Variants in DGKG observed in about 807,000 individuals in gnomAD.
DGKG encodes the protein DAG kinase gamma.
In DGKG, 78 loss-of-function variants were observed where a neutral mutation model predicts 105.3. The observed-to-expected ratio is 0.74, with a 90% CI of 0.62 to 0.89. The LOEUF (loss-of-function observed/expected upper bound fraction) is 0.89, where lower values mean the gene tolerates loss of function less well. Among genes scored for constraint, DGKG ranks in the 40% least tolerant of loss-of-function variants. The probability of loss-of-function intolerance (pLI) is 0.00; values close to 1 mark genes in which losing one functional copy is unlikely to be tolerated. For missense variants in DGKG, 958 were observed against 1,020.1 expected, an observed-to-expected ratio of 0.94 and a Z score of 0.83; for synonymous variants, 346 against 367.1, an observed-to-expected ratio of 0.94 and a Z score of 0.66.
chr3:186,274,189 G>A (rs1174403696), intron 10 of DGKG, among the ~76,000 whole-genome samples: 1 of 151,840 alleles, frequency 6.6e-6, no homozygotes, highest in Admixed American at 6.6e-5. Context: ...TTTTTTGTTT[G>A]TTTGTTTTTT....
At chr3:186,213,998 T>C (rs1365591275) in intron 20 of DGKG, among the ~76,000 whole-genome samples, 1 of 152,226 alleles carries the variant, frequency 6.6e-6, no homozygotes, top group Non-Finnish European at 1.5e-5. Flanking sequence ...AAGAGCATCT[T>C]TGTAGCCAGG....
At chr3:186,158,065 A>G in intron 24 of DGKG, 1 of 390,056 alleles carries the variant, frequency 2.6e-6, no homozygotes, top group Non-Finnish European at 3.5e-6. Flanking sequence ...TTACATTTAT[A>G]TTTTTTACCT....
intron 21 of DGKG, among the ~76,000 whole-genome samples, chr3:186,196,885 C>T (rs759003689): frequency 1.1e-4 from 16 of 152,204 alleles, no homozygotes; most frequent in African/African-American, 3.4e-4. Context: ...TCAGAGTCAC[C>T]GTGTGGTTTG....
Position 186,164,520 on chromosome 3 carries a change from C to CT in DGKG, c.2216+377dup, listed in dbSNP as rs540657135. On this transcript the variant is annotated intron_variant, in intron 23 of 24. Transcript: ENST00000265022. ...AAGGAGTAGAGCAGAGAAGAGACAT[C>CT]TTTTTTTTATCAGAGTGTGCCCTCT... is the stretch of plus-strand genomic sequence containing the variant. 1.3e-3 allele frequency among the ~76,000 whole-genome samples: 197 copies of CT among 152,240 alleles called. 1 individual carries two copies. The highest frequency in any genetic ancestry group is 3.8e-3 in the African/African-American group (159 of 41,546).
In DGKG at chr3:186,361,571, T is replaced by C. The variant is rs1337327007; in HGVS notation, c.-249+375A>G. 6.6e-6 allele frequency among the ~76,000 whole-genome samples: 1 copy of C among 152,144 alleles called. No individual in the cohort carries two copies. The highest frequency in any genetic ancestry group is 1.5e-5 in the Non-Finnish European group (1 of 68,026). On this transcript the variant is annotated intron_variant, in intron 1 of 24. Transcript: ENST00000265022. The surrounding 1 kb of genome is among the most constrained non-coding windows in gnomAD (Gnocchi z 6.8). The stretch of plus-strand genomic sequence containing the variant: ...AGCATCTCCTGCTTCTCGGACTGCC[T>C]GGAGCGCGAACTGGATATCAAGGAG...
At position 186,147,522 on chromosome 3, in the gene DGKG, C is replaced by G; in HGVS notation, c.*2568G>C. ...CGATTAAACAACAACACAAGATTTACTAAGGTTACCAAACTGGAAGTGCAA... is the reference window on the plus strand; with the variant it reads ...CGATTAAACAACAACACAAGATTTAGTAAGGTTACCAAACTGGAAGTGCAA... On this transcript the variant is annotated 3_prime_UTR_variant, in exon 25 of 25. Coordinates refer to ENST00000265022, the MANE Select transcript of DGKG (RefSeq NM_001346.3). The G allele has an allele frequency of 1.0e-6, 1 of 985,400 alleles. No homozygotes were observed. Among genetic ancestry groups the G allele is most frequent in the Non-Finnish European group, 1.2e-6 (1 of 829,900 alleles). 61.0% of individuals were successfully genotyped at this position (985,400 alleles called of 1,614,324 possible). A position where few individuals can be genotyped will look rare whatever the true frequency, so the allele number is the denominator to read the frequency against.
At chr3:186,326,617 T>C (rs949342635) in intron 1 of DGKG, among the ~76,000 whole-genome samples, 4 of 152,196 alleles carry the variant, frequency 2.6e-5, no homozygotes, top group Non-Finnish European at 5.9e-5. Context: ...ACTTATTTGC[T>C]TAATACACAG....
rs4686752 is a variant in DGKG, at chr3:186,231,255, T to C, written c.1826+11249A>G. 0.41 allele frequency among the ~76,000 whole-genome samples: 62,022 copies of C among 151,944 alleles called. 14,719 individuals are homozygous for C. Among genetic ancestry groups the C allele is most frequent in the East Asian group, 0.92 (4,770 of 5,166 alleles). ...TCATATCTATGGCTCTTTTCTAGTC[T>C]TTTTTTGGGTGCATCTTTGGTCATG... On this transcript the variant is annotated intron_variant, in intron 20 of 24. Transcript: ENST00000265022. The surrounding 1 kb of genome is among the most constrained non-coding windows in gnomAD (Gnocchi z 4.5).
chr3:186,284,372 A>G lies in DGKG; in HGVS notation c.594+288T>C, dbSNP rs1036369765. Among the ~76,000 whole-genome samples, 2 of 152,068 alleles carry G rather than the reference A, an allele frequency of 1.3e-5. No individual in the cohort carries two copies. The highest frequency in any genetic ancestry group is 2.9e-5 in the Non-Finnish European group (2 of 68,018). The stretch of plus-strand genomic sequence containing the variant: ...CAGGAAATTGCAGGAGGCGCTTGTG[A>G]ACTGAATGGGAAGTTAAACTAGGTG... On this transcript the variant is annotated intron_variant, in intron 7 of 24. Coordinates refer to ENST00000265022, the MANE Select transcript of DGKG (RefSeq NM_001346.3). The surrounding 1 kb of genome is among the most constrained non-coding windows in gnomAD (Gnocchi z 4.0).
At chr3:186,166,248 CATCACTAATGG>C (rs1716538609) in intron 22 of DGKG, among the ~76,000 whole-genome samples, 1 of 10,658 alleles carries the variant, frequency 9.4e-5, no homozygotes, top group Non-Finnish European at 2.0e-4. Context: ...CACTAATGGA[CATCACTAATGG>C]ACATCAGCTG....
At chr3:186,175,943 A>G (rs1434501263) in intron 22 of DGKG, among the ~76,000 whole-genome samples, 3 of 152,228 alleles carry the variant, frequency 2.0e-5, no homozygotes, top group African/African-American at 7.2e-5. Context: ...GAGGCTAAGA[A>G]ACTTGCCTAA....
intron 24 of DGKG, chr3:186,161,250 C>A: frequency 9.6e-7 from 1 of 1,045,298 alleles, no homozygotes; most frequent in Non-Finnish European, 1.2e-6. Context: ...GAACAGTCTT[C>A]CTTTTGAGGT....
chr3:186,214,472 A>C (rs1409785020), intron 20 of DGKG, among the ~76,000 whole-genome samples: 1 of 152,198 alleles, frequency 6.6e-6, no homozygotes, highest in Non-Finnish European at 1.5e-5. Flanking sequence ...AGTGAGGCAA[A>C]AATGACAGAT....
intron 20 of DGKG, among the ~76,000 whole-genome samples, chr3:186,232,963 C>T (rs966143122): frequency 2.6e-5 from 4 of 152,048 alleles, no homozygotes; most frequent in Admixed American, 6.5e-5. Context: ...CTGATGTGCC[C>T]GACTCTGTAA....
At chr3:186,188,883 C>T (rs1040110798) in intron 21 of DGKG, among the ~76,000 whole-genome samples, 4 of 152,096 alleles carry the variant, frequency 2.6e-5, no homozygotes, top group South Asian at 2.1e-4. Context: ...GGCACAATCT[C>T]GGCTCACTGC....
At chr3:186,345,181 G>T (rs935404174) in intron 1 of DGKG, among the ~76,000 whole-genome samples, 1 of 152,062 alleles carries the variant, frequency 6.6e-6, no homozygotes, top group African/African-American at 2.4e-5. Flanking sequence ...GTCATGAATT[G>T]CATTGTCTTA....
chr3:186,314,275 T>G (rs77055195), intron 2 of DGKG, among the ~76,000 whole-genome samples: 4,790 of 152,006 alleles, frequency 0.032, 252 homozygotes, highest in African/African-American at 0.11. Context: ...TTGTTTAATT[T>G]GTTGTTGCTG....
chr3:186,319,920 T>C (rs1725000277), intron 2 of DGKG, among the ~76,000 whole-genome samples: 1 of 152,228 alleles, frequency 6.6e-6, no homozygotes, highest in African/African-American at 2.4e-5. Context: ...TGGGTCCAAA[T>C]GCAGGAATAT....
rs535455708 is a variant in DGKG, at chr3:186,256,633, G to A, written c.1510+1221C>T. 7.1e-4 allele frequency among the ~76,000 whole-genome samples: 108 copies of A among 152,174 alleles called. 1 individual carries two copies. Among genetic ancestry groups the A allele is most frequent in the Non-Finnish European group, 1.2e-3 (81 of 68,026 alleles). On this transcript the variant is annotated intron_variant, in intron 17 of 24. Coordinates refer to ENST00000265022, the MANE Select transcript of DGKG (RefSeq NM_001346.3). ...GTATAAAAGCCATATTCCATAGAAT[G>A]CCCTATATGTCCTAGTCACCTGGCC...
Sources: gnomAD v4.1 joint callset for allele counts (sites outside exome capture counted in the v4.1 genomes callset) on GRCh38, gnomAD v4.1.1 for gene constraint, Gnocchi (gnomAD v3.1) non-coding constraint, MANE v1.5 for transcripts, NCBI Gene and HGNC (gene_info 2026-07-23, HGNC 2026-07-21) for gene names.